The following FGF14 variants were observed in gnomAD, a reference collection of about 807,000 sequenced individuals.
FGF14 encodes the protein fibroblast growth factor homologous factor 4.
Under a neutral mutation model 25.5 loss-of-function variants are expected in FGF14, and 5 were observed. The observed-to-expected ratio is 0.20, with a 90% CI of 0.10 to 0.41. The LOEUF (loss-of-function observed/expected upper bound fraction) is 0.41. FGF14 is among the 10% of genes least tolerant of loss of function. The pLI is 1.00. For synonymous variants in FGF14, 138 were observed against 118.3 expected, an observed-to-expected ratio of 1.17 and a Z score of -1.08; for missense variants, 222 against 320.1, an observed-to-expected ratio of 0.69 and a Z score of 2.34.
chr13:102,126,247 T>A (rs1380049999), intron 1 of FGF14, among the ~76,000 whole-genome samples: 1 of 152,190 alleles, frequency 6.6e-6, no homozygotes. Flanking sequence ...TTGCTACTGA[T>A]CATCTCTAAT....
intron 1 of FGF14, among the ~76,000 whole-genome samples, chr13:102,208,631 A>G (rs2050038236): frequency 1.3e-5 from 2 of 152,198 alleles, no homozygotes; most frequent in South Asian, 4.1e-4. Flanking sequence ...ATCTTTAACT[A>G]CAACATAGTT....
chr13:102,157,538 C>T (rs2047403068), intron 1 of FGF14, among the ~76,000 whole-genome samples: 1 of 152,152 alleles, frequency 6.6e-6, no homozygotes, highest in Admixed American at 6.5e-5. Flanking sequence ...AATGTTAGAT[C>T]TAAAACCATA....
Position 101,912,289 on chromosome 13 carries a change from C to T in FGF14, c.193+4164G>A, listed in dbSNP as rs142510776. Among the ~76,000 whole-genome samples the T allele has an allele frequency of 2.6e-4, 40 of 152,218 alleles. No homozygotes were observed. In the East Asian group the frequency reaches 7.7e-3, roughly 29 times the overall value. The stretch of plus-strand genomic sequence containing the variant: ...AAAATGTTAGTAAGAAGCCCAGGCA[C>T]CTGCTGATTAAGCATACATGGCACA... On this transcript the variant is annotated intron_variant, in intron 1 of 4. Coordinates refer to ENST00000376143, the MANE Select transcript of FGF14 (RefSeq NM_004115.4).
In FGF14 at chr13:102,335,556, A is replaced by G. The variant is rs528535143; in HGVS notation, c.208+65915T>C. ...AGAGGAAAGAAAAGCCCGAATGCCTATGAAAGAAAGAGACCAAGAAGGTGC... is the reference window on the plus strand; with the variant it reads ...AGAGGAAAGAAAAGCCCGAATGCCTGTGAAAGAAAGAGACCAAGAAGGTGC... On this transcript the variant is annotated intron_variant, in intron 1 of 4. Transcript: ENST00000376131. Among the ~76,000 whole-genome samples the G allele has an allele frequency of 5.4e-4, 82 of 152,296 alleles. 1 individual carries two copies. The highest frequency in any genetic ancestry group is 3.8e-3 in the Admixed American group (58 of 15,294).
At chr13:102,030,969 C>T (rs903665131) in intron 1 of FGF14, among the ~76,000 whole-genome samples, 7 of 152,038 alleles carry the variant, frequency 4.6e-5, no homozygotes, top group Non-Finnish European at 1.0e-4. Context: ...ATTGCTGTCT[C>T]CCCATGAAAC....
chr13:101,787,470 C>G (rs1167558720), intron 3 of FGF14, among the ~76,000 whole-genome samples: 1 of 152,142 alleles, frequency 6.6e-6, no homozygotes, highest in African/African-American at 2.4e-5. Flanking sequence ...TATTTTAAAT[C>G]TAACTTTACT....
chr13:102,014,452 A>G (rs1370547924), intron 1 of FGF14, among the ~76,000 whole-genome samples: 1 of 152,178 alleles, frequency 6.6e-6, no homozygotes, highest in African/African-American at 2.4e-5. Flanking sequence ...GGAAGTGATA[A>G]GATTGTGTCT....
chr13:101,767,100 A>G (rs555510854), intron 3 of FGF14, among the ~76,000 whole-genome samples: 22 of 152,344 alleles, frequency 1.4e-4, no homozygotes, highest in African/African-American at 5.3e-4. Context: ...GCTCTCCTCA[A>G]AGAAGTCTGA....
chr13:101,977,080 G>A (rs1050916599), intron 1 of FGF14, among the ~76,000 whole-genome samples: 4 of 152,218 alleles, frequency 2.6e-5, no homozygotes, highest in African/African-American at 9.6e-5. Flanking sequence ...ACACAGAAAG[G>A]TATATAAATC....
chr13:102,227,102 T>C lies in FGF14; in HGVS notation c.208+174369A>G, dbSNP rs147116858. 7.3e-3 allele frequency among the ~76,000 whole-genome samples: 1,107 copies of C among 152,280 alleles called. 6 individuals carry two copies. The highest frequency in any genetic ancestry group is 0.013 in the Admixed American group (206 of 15,278). ...GGCCATTTTTCTTCCCAGTTTAATA[T>C]TTAATGGATTCTTATTTTTCTCAAA... On this transcript the variant is annotated intron_variant, in intron 1 of 4. Coordinates refer to the FGF14 transcript ENST00000376131.
intron 1 of FGF14, among the ~76,000 whole-genome samples, chr13:102,133,898 T>A (rs776154253): frequency 1.5e-4 from 23 of 152,220 alleles, no homozygotes; most frequent in Admixed American, 3.9e-4. Context: ...TCCCTGCTGT[T>A]TCTTCTAGGA....
intron 3 of FGF14, among the ~76,000 whole-genome samples, chr13:101,792,299 C>T (rs966755714): frequency 6.6e-6 from 1 of 152,106 alleles, no homozygotes; most frequent in African/African-American, 2.4e-5. Flanking sequence ...ACCACCATTG[C>T]TTTGGATTGC....
chr13:102,193,136 G>A (rs964658933), intron 1 of FGF14, among the ~76,000 whole-genome samples: 1 of 152,100 alleles, frequency 6.6e-6, no homozygotes, highest in African/African-American at 2.4e-5. Flanking sequence ...AGACTAGGTG[G>A]TTTAAGCAAC....
intron 3 of FGF14, among the ~76,000 whole-genome samples, chr13:101,785,340 T>A (rs2039744970): frequency 7.0e-6 from 1 of 141,904 alleles, no homozygotes; most frequent in Admixed American, 7.2e-5. Flanking sequence ...AAGCCTAGCT[T>A]CTCCCAAAGA....
intron 1 of FGF14, among the ~76,000 whole-genome samples, chr13:102,323,120 G>C (rs141308726): frequency 6.6e-6 from 1 of 152,174 alleles, no homozygotes; most frequent in East Asian, 1.9e-4. Context: ...CCAAGTGTAA[G>C]GTTAAAAAAG....
chr13:102,021,431 G>A (rs945804048), intron 1 of FGF14, among the ~76,000 whole-genome samples: 3 of 151,808 alleles, frequency 2.0e-5, no homozygotes, highest in East Asian at 1.9e-4. Context: ...GTGATAAGAG[G>A]AGAAAGAGCC....
chr13:101,832,823 T>G (rs568630587), intron 3 of FGF14, among the ~76,000 whole-genome samples: 1 of 152,178 alleles, frequency 6.6e-6, no homozygotes, highest in Admixed American at 6.6e-5. Context: ...TAGTGTGGGA[T>G]GAGTTTATAT....
intron 1 of FGF14, among the ~76,000 whole-genome samples, chr13:101,896,440 C>T (rs2030686376): frequency 6.6e-6 from 1 of 152,136 alleles, no homozygotes; most frequent in Non-Finnish European, 1.5e-5. Flanking sequence ...CCTCAGCAAG[C>T]CTATGGGTCA....
chr13:102,061,372 C>G (rs1320695819), intron 1 of FGF14, among the ~76,000 whole-genome samples: 1 of 152,232 alleles, frequency 6.6e-6, no homozygotes. Context: ...GCCCTGCCAC[C>G]TGCCCGTCCA....
Sources: gnomAD v4.1 joint callset for allele counts (sites outside exome capture counted in the v4.1 genomes callset) on GRCh38, gnomAD v4.1.1 for gene constraint, MANE v1.5 for transcripts, NCBI Gene and HGNC (gene_info 2026-07-23, HGNC 2026-07-21) for gene names.